ZNF592: variants seen among roughly 807,000 people sequenced by gnomAD.
ZNF592 encodes the protein spinocerebellar ataxia, autosomal recessive 5.
Under a neutral mutation model 80.3 loss-of-function variants are expected in ZNF592, and 11 were observed. The ratio of observed to expected loss-of-function variants is 0.14; its 90% CI spans 0.09 to 0.23. The LOEUF (loss-of-function observed/expected upper bound fraction) is 0.23, where lower values mean the gene tolerates loss of function less well. ZNF592 is among the 10% of genes least tolerant of loss of function. ZNF592 has a pLI of 1.00. For missense variants in ZNF592, 1,420 were observed against 1,633.9 expected (o/e 0.87, Z 2.26); for synonymous variants, 646 against 640.3 (o/e 1.01, Z -0.13).
chr15:84,782,601 A>G, intron 3 of ZNF592, 56 bp from the exon 4 acceptor site: 1 of 1,524,268 alleles, frequency 6.6e-7, no homozygotes, highest in South Asian at 1.1e-5. Context: ...TGTGTAGTGA[A>G]GATGGTCCAG....
intron 2 of ZNF592, among the ~76,000 whole-genome samples, chr15:84,768,804 C>A (rs1390911902): frequency 6.6e-6 from 1 of 152,186 alleles, no homozygotes. Flanking sequence ...GAAGGTCTCT[C>A]TAAAATTTTA....
chr15:84,783,028 A>G lies in ZNF592; in HGVS notation c.353A>G (p.Asp118Gly), dbSNP rs776744500. 1 of 1,614,100 alleles carries G rather than the reference A, an allele frequency of 6.2e-7. No individual in the cohort carries two copies. Among genetic ancestry groups the G allele is most frequent in the Non-Finnish European group, 8.5e-7 (1 of 1,180,010 alleles). ...TTTGATTCTACTTTTATGAATGGAG[A>G]CAGTGCCAGGAGTTTCCCTGGCAAA... ...GKFDSTFMNG[D>G]SARSFPGKLE... The change falls in exon 4 of 11, where the codon GAC (aspartate) becomes GGC (glycine). Residue 118 changes from aspartate to glycine, a missense_variant. Asp to Gly is a moderately conservative substitution (Grantham distance 94). Around this residue, in one of 7 missense-constraint regions of ZNF592, gnomAD observed 373 missense variants for 355.5 expected, o/e 1.05. Coordinates refer to ENST00000560079, the MANE Select transcript of ZNF592 (RefSeq NM_014630.3). This position sits in a 1 kb window ranked among gnomAD's most constrained non-coding sequence, Gnocchi z 5.0.
At chr15:84,749,046 G>GA (rs1183795098) in intron 1 of ZNF592, among the ~76,000 whole-genome samples, 1 of 152,200 alleles carries the variant, frequency 6.6e-6, no homozygotes, top group African/African-American at 2.4e-5. Context: ...CTCCCTCTGG[G>GA]ACGGCCTGTC....
intron 1 of ZNF592, among the ~76,000 whole-genome samples, chr15:84,755,499 T>C (rs1275017829): frequency 2.0e-5 from 3 of 151,890 alleles, no homozygotes; most frequent in Non-Finnish European, 4.4e-5. Flanking sequence ...ATCCACAGGC[T>C]CATCCAGAGA....
chr15:84,772,253 T>C (rs1962102801), intron 2 of ZNF592, among the ~76,000 whole-genome samples: 1 of 152,182 alleles, frequency 6.6e-6, no homozygotes, highest in African/African-American at 2.4e-5. Flanking sequence ...CGATGATTAA[T>C]GTTCCTGCTT....
intron 4 of ZNF592, among the ~76,000 whole-genome samples, chr15:84,788,191 CT>C (rs1358277871): frequency 2.0e-5 from 3 of 152,142 alleles, no homozygotes; most frequent in Non-Finnish European, 2.9e-5. Context: ...CACAAAGTGC[CT>C]GATTGTCTTC....
intron 1 of ZNF592, among the ~76,000 whole-genome samples, chr15:84,749,189 C>T (rs895974917): frequency 6.6e-6 from 1 of 152,236 alleles, no homozygotes; most frequent in African/African-American, 2.4e-5. Flanking sequence ...AGGTTTCTCC[C>T]GGAGCAGACA....
At position 84,775,149 on chromosome 15, in the gene ZNF592, A is replaced by G. The variant is rs184933841; in HGVS notation, c.-149-3034A>G. On this transcript the variant is annotated intron_variant, in intron 2 of 10. Coordinates refer to ENST00000560079, the MANE Select transcript of ZNF592 (RefSeq NM_014630.3). ...CTCGCTCTGTCACCTGGGCTGGAGT[A>G]CAGTGGTGCAATCTTGGCTCACTGC... Among the ~76,000 whole-genome samples the G allele has an allele frequency of 6.6e-5, 10 of 151,258 alleles. No homozygotes were observed. The East Asian group carries it at 1.9e-3, about 29-fold the overall frequency.
chr15:84,766,971 A>T (rs1899546260), intron 2 of ZNF592, among the ~76,000 whole-genome samples: 1 of 151,926 alleles, frequency 6.6e-6, no homozygotes, highest in African/African-American at 2.4e-5. Flanking sequence ...AGAAAGAGTG[A>T]TCCTGTGAAA....
At position 84,794,168 on chromosome 15, in the gene ZNF592, CACCAT is replaced by C. The variant is rs553591319; in HGVS notation, c.2399+3286_2399+3290del. Among the ~76,000 whole-genome samples the C allele has an allele frequency of 4.0e-3, 602 of 152,268 alleles. 2 individuals are homozygous for C. The highest frequency in any genetic ancestry group is 0.014 in the African/African-American group (573 of 41,548). ...AGACGGGTTGATGGGTGCAGCAAAC[CACCAT>C]GGCACGTGTATACCTATGTAACAAA... On this transcript the variant is annotated intron_variant, in intron 5 of 10. Transcript: ENST00000560079.
intron 1 of ZNF592, among the ~76,000 whole-genome samples, chr15:84,759,436 C>T (rs1486309786): frequency 1.3e-5 from 2 of 152,058 alleles, no homozygotes; most frequent in Non-Finnish European, 2.9e-5. Flanking sequence ...TACTTGTCTC[C>T]CCTTGACGCT....
chr15:84,749,392 G>T (rs1490697750), intron 1 of ZNF592, among the ~76,000 whole-genome samples: 1 of 152,236 alleles, frequency 6.6e-6, no homozygotes, highest in Non-Finnish European at 1.5e-5. Context: ...GTTTGTGAGG[G>T]GGAGGGGTCC....
At chr15:84,763,834 A>G (rs1406151600) in intron 1 of ZNF592, among the ~76,000 whole-genome samples, 1 of 152,192 alleles carries the variant, frequency 6.6e-6, no homozygotes, top group East Asian at 1.9e-4. Context: ...ACTTGTGGGT[A>G]TATGTAGTTG....
At chr15:84,757,339 C>T (rs1490226818) in intron 1 of ZNF592, among the ~76,000 whole-genome samples, 1 of 120,764 alleles carries the variant, frequency 8.3e-6, no homozygotes. Context: ...TCTTTCTTTC[C>T]TTTTTTTTTT....
chr15:84,764,905 G>GTT (rs201727475), intron 2 of ZNF592, 90 bp downstream of exon 2: 7,617 of 314,270 alleles, frequency 0.024, 3 homozygotes, highest in Middle Eastern at 0.052. Flanking sequence ...GTTTTGTTTT[G>GTT]TTTTGTTTTT....
chr15:84,793,798 A>T (rs1178534118), intron 5 of ZNF592, among the ~76,000 whole-genome samples: 3 of 152,240 alleles, frequency 2.0e-5, no homozygotes, highest in Non-Finnish European at 4.4e-5. Flanking sequence ...CATATTTGCA[A>T]GGTTCATCCA....
intron 2 of ZNF592, among the ~76,000 whole-genome samples, chr15:84,772,833 T>A (rs559270378): frequency 3.2e-4 from 49 of 152,362 alleles, no homozygotes; most frequent in African/African-American, 1.2e-3. Context: ...CTTCCTTGTC[T>A]TATTAAACAG....
intron 1 of ZNF592, among the ~76,000 whole-genome samples, chr15:84,760,742 GCT>G: frequency 6.6e-6 from 1 of 152,142 alleles, no homozygotes; most frequent in Non-Finnish European, 1.5e-5. Flanking sequence ...TGAAGAGGAT[GCT>G]CTCAGTAGGA....
At chr15:84,769,163 A>G (rs1446938888) in intron 2 of ZNF592, among the ~76,000 whole-genome samples, 1 of 151,532 alleles carries the variant, frequency 6.6e-6, no homozygotes, top group Non-Finnish European at 1.5e-5. Flanking sequence ...CTGGTCTTGA[A>G]CTCCTGACCT....
Sources: allele counts gnomAD v4.1 joint callset (sites outside exome capture counted in the v4.1 genomes callset), GRCh38; gene constraint gnomAD v4.1.1; regional missense constraint gnomAD v4.1.1; non-coding constraint Gnocchi (gnomAD v3.1); transcripts MANE v1.5; gene names NCBI Gene and HGNC (gene_info 2026-07-23, HGNC 2026-07-21).